MTBP: variants seen among roughly 807,000 people sequenced by gnomAD.
MTBP encodes MDM2 binding protein, also known as mdm2-binding protein.
MTBP carries 101 observed loss-of-function variants against 117.0 expected under a neutral mutation model. That is an observed-to-expected ratio of 0.86 (90% CI 0.73 to 1.02). MTBP has a LOEUF of 1.02. MTBP is among the 50% of genes least tolerant of loss of function. MTBP has a pLI of 0.00. For missense variants in MTBP, 970 were observed against 1,030.9 expected (o/e 0.94, Z 0.81); for synonymous variants, 350 against 351.5 (o/e 1.00, Z 0.05).
At chr8:120,511,735 T>C (rs766025445) in intron 17 of MTBP, among the ~76,000 whole-genome samples, 3 of 152,206 alleles carry the variant, frequency 2.0e-5, no homozygotes, top group African/African-American at 4.8e-5. Flanking sequence ...AAATTAAACA[T>C]TATAGAAAAG....
At chr8:120,479,414 T>C (rs1216315898) in intron 11 of MTBP, among the ~76,000 whole-genome samples, 1 of 152,226 alleles carries the variant, frequency 6.6e-6, no homozygotes, top group Non-Finnish European at 1.5e-5. Flanking sequence ...AGTATTCTTT[T>C]AGTCAACAAA....
chr8:120,474,897 G>A (rs1813900241), intron 11 of MTBP, among the ~76,000 whole-genome samples: 1 of 151,954 alleles, frequency 6.6e-6, no homozygotes. Flanking sequence ...AAAAAGCAAG[G>A]TATGCAATAG....
intron 14 of MTBP, among the ~76,000 whole-genome samples, chr8:120,501,033 T>TA (rs1274805867): frequency 1.3e-5 from 2 of 151,724 alleles, no homozygotes; most frequent in Non-Finnish European, 2.9e-5. Context: ...CTACTGAAAA[T>TA]ACAAAAAATT....
At chr8:120,466,330 G>C (rs1253532198) in intron 10 of MTBP, among the ~76,000 whole-genome samples, 1 of 149,988 alleles carries the variant, frequency 6.7e-6, no homozygotes, top group Non-Finnish European at 1.5e-5. Context: ...TCCCGGCTCA[G>C]CCACTCAACT....
Position 120,517,820 on chromosome 8 carries a change from A to G in MTBP, c.2247-31A>G, listed in dbSNP as rs1250897661. ...ACTTCGATGTTGATTCGCTTAATCT[A>G]CGTTCTTGATTTTTTTCCCCTGCTA... On this transcript the variant is annotated intron_variant, in intron 18 of 21. Coordinates refer to ENST00000305949, the MANE Select transcript of MTBP (RefSeq NM_022045.5). 11 of 1,588,634 alleles carry G rather than the reference A, an allele frequency of 6.9e-6. No homozygotes were observed. In the South Asian group the frequency reaches 1.1e-4, roughly 16 times the overall value.
At chr8:120,459,455 C>A in intron 8 of MTBP, 106 bp downstream of exon 8, 3 of 1,070,488 alleles carry the variant, frequency 2.8e-6, no homozygotes, top group Non-Finnish European at 2.6e-6. Flanking sequence ...CTTAAGTGTG[C>A]TCACTAGCAT....
At chr8:120,479,010 C>T (rs1814010562) in intron 11 of MTBP, among the ~76,000 whole-genome samples, 5 of 152,130 alleles carry the variant, frequency 3.3e-5, no homozygotes, top group African/African-American at 4.8e-5. Flanking sequence ...TTTGCAACAC[C>T]GTGGATGCAA....
At chr8:120,479,652 A>G (rs777021569) in intron 11 of MTBP, among the ~76,000 whole-genome samples, 2 of 152,212 alleles carry the variant, frequency 1.3e-5, no homozygotes, top group African/African-American at 2.4e-5. Context: ...ATATCCTCCA[A>G]TTTCAATGGA....
At chr8:120,493,513 CAG>C (rs1563799528) in intron 13 of MTBP, among the ~76,000 whole-genome samples, 2 of 150,166 alleles carry the variant, frequency 1.3e-5, no homozygotes, top group East Asian at 2.0e-4. Flanking sequence ...TTTTTTGAGA[CAG>C]AATTTTGCTC....
At chr8:120,507,030 A>G (rs1397439784) in intron 16 of MTBP, among the ~76,000 whole-genome samples, 169 bp downstream of exon 16, 1 of 152,142 alleles carries the variant, frequency 6.6e-6, no homozygotes, top group Non-Finnish European at 1.5e-5. Flanking sequence ...CCTTATCAAA[A>G]TATCCTACTG....
intron 20 of MTBP, among the ~76,000 whole-genome samples, chr8:120,519,680 A>G (rs892038182): frequency 1.3e-5 from 2 of 152,152 alleles, no homozygotes; most frequent in African/African-American, 4.8e-5. Flanking sequence ...ACAGAGTGAA[A>G]AGAGTTACAA....
At chr8:120,469,442 G>A (rs894366215) in intron 10 of MTBP, among the ~76,000 whole-genome samples, 7 of 152,188 alleles carry the variant, frequency 4.6e-5, no homozygotes, top group Admixed American at 4.6e-4. Context: ...AAGAGGATCA[G>A]CTTCGATCAT....
chr8:120,496,785 AGTTCT>A (rs1814474923), intron 13 of MTBP, among the ~76,000 whole-genome samples: 1 of 151,836 alleles, frequency 6.6e-6, no homozygotes, highest in Non-Finnish European at 1.5e-5. Flanking sequence ...AAGGACCTGC[AGTTCT>A]GACTTCTTGT....
chr8:120,453,171 C>G (rs1052123619), intron 4 of MTBP, among the ~76,000 whole-genome samples: 6 of 152,070 alleles, frequency 3.9e-5, no homozygotes, highest in Non-Finnish European at 1.5e-5. Context: ...AGAAAAATGG[C>G]TGGGTGCAGT....
In MTBP at chr8:120,498,039, G is replaced by A. The variant is rs561476475; in HGVS notation, c.1609+485G>A. 3.3e-5 allele frequency among the ~76,000 whole-genome samples: 5 copies of A among 152,242 alleles called. No homozygotes were observed. The East Asian group carries it at 5.8e-4, about 18-fold the overall frequency. On this transcript the variant is annotated intron_variant, in intron 14 of 21. Coordinates refer to ENST00000305949, the MANE Select transcript of MTBP (RefSeq NM_022045.5). ...TCGTTATTTAGTTGTATTTCTTTCC[G>A]CTTTCCTGAGTTCCAGTGTTGTGAT... is the stretch of plus-strand genomic sequence containing the variant.
rs1478379700 is a variant in MTBP at position 120,445,496 on chromosome 8, T to A, written c.26T>A (p.Ile9Asn). Reference protein sequence around the residue: MDRYLLLVIWGEGKFPSAA... With the variant: MDRYLLLVNWGEGKFPSAA... The stretch of plus-strand genomic sequence containing the variant: ...ATGGATCGGTACCTGCTGCTGGTGA[T>A]CTGGGGGGAAGGAAAATTCCCGTCG... Residue 9 changes from isoleucine (I) to asparagine (N), a missense_variant, in exon 1 of 22, where the codon ATC (isoleucine) becomes AAC (asparagine). By Grantham distance (149) the Ile-to-Asn change is moderately radical (BLOSUM62 -3). Transcript: ENST00000305949. 6.2e-7 allele frequency: 1 copy of A among 1,613,134 alleles called. No homozygotes were observed. The highest frequency in any genetic ancestry group is 8.5e-7 in the Non-Finnish European group (1 of 1,179,706).
At chr8:120,462,989 A>G (rs1474138761) in intron 9 of MTBP, among the ~76,000 whole-genome samples, 1 of 152,182 alleles carries the variant, frequency 6.6e-6, no homozygotes, top group Non-Finnish European at 1.5e-5. Flanking sequence ...AATATTCAGT[A>G]TACTTTTTGC....
intron 11 of MTBP, among the ~76,000 whole-genome samples, chr8:120,480,501 A>C (rs778700149): frequency 6.6e-6 from 1 of 152,186 alleles, no homozygotes; most frequent in Non-Finnish European, 1.5e-5. Context: ...TGAAAAGGAA[A>C]AACAACATTT....
At chr8:120,520,577 T>C (rs1814994579) in intron 20 of MTBP, among the ~76,000 whole-genome samples, 1 of 152,132 alleles carries the variant, frequency 6.6e-6, no homozygotes, top group Non-Finnish European at 1.5e-5. Flanking sequence ...AGCCAATGAA[T>C]GAAAATTCTT....
Sources: gnomAD v4.1 joint callset for allele counts (sites outside exome capture counted in the v4.1 genomes callset) on GRCh38, gnomAD v4.1.1 for gene constraint, MANE v1.5 for transcripts, NCBI Gene and HGNC (gene_info 2026-07-23, HGNC 2026-07-21) for gene names.